Variants in CYP7B1 observed in about 807,000 individuals in gnomAD.
The protein encoded by CYP7B1 is cytochrome P450 family 7 subfamily B member 1.
A neutral mutation model predicts 42.7 loss-of-function variants in CYP7B1; 29 were observed. The ratio of observed to expected loss-of-function variants is 0.68; its 90% CI spans 0.51 to 0.93. The LOEUF (loss-of-function observed/expected upper bound fraction) is 0.93, where lower values mean the gene tolerates loss of function less well. Ranked by LOEUF, CYP7B1 falls within the 40% of genes least tolerant of loss-of-function variation. CYP7B1 has a pLI of 0.00. For missense variants in CYP7B1, 655 were observed against 600.5 expected, an observed-to-expected ratio of 1.09 and a Z score of -0.95; for synonymous variants, 235 against 218.2, an observed-to-expected ratio of 1.08 and a Z score of -0.68.
At chr8:64,787,090 T>C (rs1347055148) in intron 1 of CYP7B1, among the ~76,000 whole-genome samples, 1 of 152,186 alleles carries the variant, frequency 6.6e-6, no homozygotes, top group Non-Finnish European at 1.5e-5. Flanking sequence ...AAACCGTTTT[T>C]CCCTCCTAGG....
intron 1 of CYP7B1, among the ~76,000 whole-genome samples, chr8:64,688,394 C>T (rs767026546): frequency 6.7e-6 from 1 of 148,734 alleles, no homozygotes; most frequent in African/African-American, 2.5e-5. Flanking sequence ...CTCCCACCCT[C>T]CTTCCCTTCT....
At chr8:64,744,099 A>G (rs929875809) in intron 1 of CYP7B1, among the ~76,000 whole-genome samples, 2 of 152,200 alleles carry the variant, frequency 1.3e-5, no homozygotes, top group African/African-American at 4.8e-5. Flanking sequence ...CTTGAAATAA[A>G]TCCTTTATAT....
chr8:64,752,018 T>C (rs1563415228), intron 1 of CYP7B1, among the ~76,000 whole-genome samples: 1 of 152,218 alleles, frequency 6.6e-6, no homozygotes, highest in Non-Finnish European at 1.5e-5. Context: ...TTGTTATTTA[T>C]ATTCTTATGA....
At chr8:64,680,933 A>C (rs1806527041) in intron 1 of CYP7B1, among the ~76,000 whole-genome samples, 1 of 152,136 alleles carries the variant, frequency 6.6e-6, no homozygotes, top group Non-Finnish European at 1.5e-5. Context: ...CTCTATCTGT[A>C]AATGCTTCTT....
At chr8:64,610,945 G>A (rs1350398729) in intron 4 of CYP7B1, among the ~76,000 whole-genome samples, 2 of 152,048 alleles carry the variant, frequency 1.3e-5, no homozygotes, top group African/African-American at 4.8e-5. Context: ...AATAATACTT[G>A]ACAAATAACC....
At chr8:64,709,599 C>T (rs1302392224) in intron 1 of CYP7B1, among the ~76,000 whole-genome samples, 2 of 152,108 alleles carry the variant, frequency 1.3e-5, no homozygotes, top group Non-Finnish European at 2.9e-5. Flanking sequence ...TTTCTATTAT[C>T]ATTATTTTAA....
At chr8:64,779,863 C>T (rs1309839013) in intron 1 of CYP7B1, among the ~76,000 whole-genome samples, 1 of 152,128 alleles carries the variant, frequency 6.6e-6, no homozygotes, top group African/African-American at 2.4e-5. Context: ...TGTTAAACAG[C>T]ACTATCTACC....
chr8:64,776,649 C>G (rs1403200586), intron 1 of CYP7B1, among the ~76,000 whole-genome samples: 1 of 152,076 alleles, frequency 6.6e-6, no homozygotes, highest in Non-Finnish European at 1.5e-5. Flanking sequence ...CATATGCTCC[C>G]CCACAATATG....
intron 1 of CYP7B1, among the ~76,000 whole-genome samples, chr8:64,667,095 A>G (rs1806291908): frequency 6.6e-6 from 1 of 152,200 alleles, no homozygotes; most frequent in Non-Finnish European, 1.5e-5. Flanking sequence ...TTGATTTGGA[A>G]GACATTTTCC....
intron 1 of CYP7B1, among the ~76,000 whole-genome samples, chr8:64,661,772 A>C (rs1416185075): frequency 2.6e-5 from 4 of 152,184 alleles, no homozygotes; most frequent in African/African-American, 7.2e-5. Flanking sequence ...TCTCAACTGC[A>C]ATGGTTCATT....
chr8:64,614,935 G>T, intron 4 of CYP7B1, 91 bp downstream of exon 4: 1 of 1,233,674 alleles, frequency 8.1e-7, no homozygotes, highest in Non-Finnish European at 1.2e-6. Context: ...AGGCAGCTGT[G>T]TCCTCTACCT....
chr8:64,693,286 T>C (rs1029367850), intron 1 of CYP7B1, among the ~76,000 whole-genome samples: 1 of 152,258 alleles, frequency 6.6e-6, no homozygotes, highest in Non-Finnish European at 1.5e-5. Flanking sequence ...TGCACATGTA[T>C]ACATTTCTAT....
At chr8:64,709,830 T>C (rs959936760) in intron 1 of CYP7B1, among the ~76,000 whole-genome samples, 2 of 152,138 alleles carry the variant, frequency 1.3e-5, no homozygotes, top group African/African-American at 2.4e-5. Flanking sequence ...TTAAGCACAA[T>C]AGATTGCAGA....
intron 1 of CYP7B1, among the ~76,000 whole-genome samples, chr8:64,660,129 G>A (rs1257452676): frequency 6.6e-6 from 1 of 152,192 alleles, no homozygotes; most frequent in Non-Finnish European, 1.5e-5. Context: ...TATGAGGAAA[G>A]CACTATTACT....
chr8:64,687,673 A>G (rs903636167), intron 1 of CYP7B1, among the ~76,000 whole-genome samples: 11 of 152,210 alleles, frequency 7.2e-5, no homozygotes, highest in African/African-American at 1.2e-4. Flanking sequence ...AGAAACATAA[A>G]TTTTTCTCTT....
downstream of CYP7B1, among the ~76,000 whole-genome samples, chr8:64,589,096 T>C (rs1805003355): frequency 6.6e-6 from 1 of 152,260 alleles, no homozygotes; most frequent in African/African-American, 2.4e-5. Context: ...TTATGGTTTA[T>C]GAAAGCAAAA....
rs188734135 is a variant in CYP7B1 at position 64,756,694 on chromosome 8, C to T, written c.122+41772G>A. 2.1e-3 allele frequency among the ~76,000 whole-genome samples: 326 copies of T among 152,260 alleles called. 1 individual carries two copies. The highest frequency in any genetic ancestry group is 7.3e-3 in the African/African-American group (304 of 41,544). On this transcript the variant is annotated intron_variant, in intron 1 of 5. Transcript: ENST00000310193. Reference sequence around the variant, plus strand: ...GTAGCCTCTGCATCATAAAATTTAGCTTGGAAGGGACCTTAGGGATCATAA... The same window carrying T: ...GTAGCCTCTGCATCATAAAATTTAGTTTGGAAGGGACCTTAGGGATCATAA...
At chr8:64,700,953 A>G (rs902001931) in intron 1 of CYP7B1, among the ~76,000 whole-genome samples, 4 of 152,036 alleles carry the variant, frequency 2.6e-5, no homozygotes, top group African/African-American at 9.7e-5. Context: ...TGTTGCAATC[A>G]CTAAAAGGTG....
chr8:64,779,004 C>G (rs1345371102), intron 1 of CYP7B1, among the ~76,000 whole-genome samples: 2 of 152,032 alleles, frequency 1.3e-5, no homozygotes, highest in Non-Finnish European at 2.9e-5. Flanking sequence ...CTGCTTTGTT[C>G]TTAAGCTTAA....
Sources: gnomAD v4.1 joint callset for allele counts (sites outside exome capture counted in the v4.1 genomes callset) on GRCh38, gnomAD v4.1.1 for gene constraint, MANE v1.5 for transcripts, NCBI Gene and HGNC (gene_info 2026-07-23, HGNC 2026-07-21) for gene names.